Variants in NPHP1 observed in about 807,000 individuals in gnomAD.
The protein encoded by NPHP1 is nephrocystin 1, also known as nephrocystin-1.
In NPHP1, 70 loss-of-function variants were observed where a neutral mutation model predicts 90.4. That is an observed-to-expected ratio of 0.77 (90% CI 0.64 to 0.95). NPHP1 has a LOEUF of 0.95. Among genes scored for constraint, NPHP1 ranks in the 40% least tolerant of loss-of-function variants. NPHP1 has a pLI of 0.00. For synonymous variants in NPHP1, 256 were observed against 271.7 expected, an observed-to-expected ratio of 0.94 and a Z score of 0.57; for missense variants, 764 against 795.9, an observed-to-expected ratio of 0.96 and a Z score of 0.48.
intron 19 of NPHP1, chr2:110,124,480 G>GCA: frequency 7.2e-6 from 2 of 278,824 alleles, no homozygotes; most frequent in Admixed American, 4.4e-5. Context: ...TAAGATAATT[G>GCA]TAGCAGGTGT....
At chr2:110,125,150 T>C in intron 19 of NPHP1, 2 of 1,512,116 alleles carry the variant, frequency 1.3e-6, no homozygotes, top group South Asian at 2.5e-5. Context: ...CCTTCCCATT[T>C]GCCAAATCCT....
chr2:110,155,884 G>C (rs1445828716), intron 11 of NPHP1, among the ~76,000 whole-genome samples: 2 of 152,048 alleles, frequency 1.3e-5, no homozygotes, highest in Non-Finnish European at 2.9e-5. Context: ...TAAGACTTTG[G>C]GGGACTGTTG....
intron 15 of NPHP1, chr2:110,144,030 C>T (rs1357316711): frequency 6.2e-6 from 2 of 323,832 alleles, no homozygotes; most frequent in Non-Finnish European, 1.2e-5. Flanking sequence ...AATTCCAAAT[C>T]TGTCAGGCTC....
intron 2 of NPHP1, among the ~76,000 whole-genome samples, chr2:110,189,916 A>G (rs1260727622): frequency 2.6e-5 from 4 of 152,062 alleles, no homozygotes; most frequent in Non-Finnish European, 5.9e-5. Context: ...ACCTTGAGCT[A>G]GATACAGAGT....
chr2:110,176,949 C>T (rs1188923654), intron 4 of NPHP1, among the ~76,000 whole-genome samples: 1 of 152,172 alleles, frequency 6.6e-6, no homozygotes, highest in Non-Finnish European at 1.5e-5. Context: ...TGTTTCTGTG[C>T]AGCTCCCTTC....
chr2:110,169,847 C>G lies in NPHP1; in HGVS notation c.481G>C (p.Gly161Arg). Residue 161 changes from glycine (G) to arginine (R), a missense_variant, in exon 5 of 20, where the codon GGA becomes CGA. Gly to Arg is a moderately radical substitution (Grantham distance 125). Coordinates refer to ENST00000445609, the MANE Select transcript of NPHP1 (RefSeq NM_001128178.3). ...WSTGEEYIAV[G>R]DFTAQQVGDL... ...CCAACTTGCTGAGCAGTAAAATCTC[C>G]AACAGCGATGTATTCTTCACCGGTT... 6.2e-7 allele frequency: 1 copy of G among 1,613,678 alleles called. No individual in the cohort carries two copies. The highest frequency in any genetic ancestry group is 8.5e-7 in the Non-Finnish European group (1 of 1,179,780).
intron 6 of NPHP1, among the ~76,000 whole-genome samples, chr2:110,165,530 T>C (rs1399117471): frequency 6.6e-6 from 1 of 151,794 alleles, no homozygotes; most frequent in Non-Finnish European, 1.5e-5. Flanking sequence ...AAGAAAATAA[T>C]CTAGAGATGG....
intron 10 of NPHP1, 26 bp from the exon 11 acceptor site, chr2:110,160,281 A>T: frequency 6.4e-7 from 1 of 1,561,926 alleles, no homozygotes; most frequent in Non-Finnish European, 8.8e-7. Flanking sequence ...GTTATAAAAA[A>T]GTTTATTTTT....
chr2:110,201,016 T>C (rs1446165654), intron 2 of NPHP1, among the ~76,000 whole-genome samples: 1 of 152,090 alleles, frequency 6.6e-6, no homozygotes, highest in African/African-American at 2.4e-5. Flanking sequence ...CTATTTAAAC[T>C]CTCCCAAGGA....
In NPHP1 at chr2:110,131,803, GA is replaced by G; in HGVS notation, c.1530-13del. ...TTTCTGGCAGTAGACTATTAAAGAA[GA>G]AAAAAATGTATTCATTAGACAATCC... On this transcript the variant is annotated splice_polypyrimidine_tract_variant and intron_variant, in intron 16 of 19. Coordinates refer to ENST00000445609, the MANE Select transcript of NPHP1 (RefSeq NM_001128178.3). 1.4e-6 allele frequency: 2 copies of G among 1,469,850 alleles called. No individual in the cohort carries two copies. The highest frequency in any genetic ancestry group is 1.1e-5 in the South Asian group (1 of 87,340). The allele number at this position is 1,469,850 out of a possible 1,614,324, so 91.1% of individuals were successfully genotyped here. A position where few individuals can be genotyped will look rare whatever the true frequency, so the allele number is the denominator to read the frequency against.
At chr2:110,198,805 ATC>A (rs1685355500) in intron 2 of NPHP1, among the ~76,000 whole-genome samples, 1 of 150,674 alleles carries the variant, frequency 6.6e-6, no homozygotes, top group Non-Finnish European at 1.5e-5. Context: ...ACCCCTCTCT[ATC>A]TAACAGTAGA....
chr2:110,128,218 G>A (rs547752691), intron 18 of NPHP1: 1 of 152,134 alleles, frequency 6.6e-6, no homozygotes, highest in South Asian at 2.1e-4. Flanking sequence ...ATATGGCCTA[G>A]TTTTTATCAG....
chr2:110,134,457 G>A (rs1263112805), intron 16 of NPHP1, among the ~76,000 whole-genome samples: 1 of 147,342 alleles, frequency 6.8e-6, no homozygotes, highest in African/African-American at 2.5e-5. Flanking sequence ...TCCAAAAAAT[G>A]AAGAGGAAAA....
At position 110,144,524 on chromosome 2, in the gene NPHP1, A is replaced by G. The variant is rs544422399; in HGVS notation, c.1398T>C (p.Gly466=). 1.9e-6 allele frequency: 3 copies of G among 1,607,334 alleles called. No individual in the cohort carries two copies. Among genetic ancestry groups the G allele is most frequent in the African/African-American group, 2.7e-5 (2 of 74,922 alleles). ...FLNGGTPYEK[G]IEVDPSISRR... is the part of the protein sequence containing the mutation. ...TGGATATTGAAGGGTCCACTTCAAT[A>G]CCTTTTTCATAAGGAGTACCACCAT... The change falls in exon 15 of 20, where the codon GGT becomes GGC. Residue 466 remains glycine (G), a synonymous_variant. Transcript: ENST00000445609.
At chr2:110,125,595 G>A (rs1679293190) in intron 19 of NPHP1, 42 bp downstream of exon 19, 1 of 1,537,454 alleles carries the variant, frequency 6.5e-7, no homozygotes, top group Non-Finnish European at 9.0e-7. Context: ...CAAACACCAG[G>A]TACTGCAAAT....
chr2:110,131,878 G>T, intron 16 of NPHP1, 87 bp from the exon 17 acceptor site: 2 of 914,536 alleles, frequency 2.2e-6, no homozygotes, highest in Non-Finnish European at 3.5e-6. Context: ...TTAATAAACA[G>T]TCCCAAATTT....
intron 12 of NPHP1, among the ~76,000 whole-genome samples, chr2:110,148,934 T>C (rs1681265198): frequency 6.6e-6 from 1 of 152,154 alleles, no homozygotes; most frequent in Non-Finnish European, 1.5e-5. Flanking sequence ...TAGTTTCTCT[T>C]CTAGAAAACT....
chr2:110,142,080 C>T (rs1349548287), intron 16 of NPHP1, among the ~76,000 whole-genome samples: 1 of 151,770 alleles, frequency 6.6e-6, no homozygotes, highest in Admixed American at 6.6e-5. Context: ...GTATTTATAC[C>T]CATGAGAGAT....
chr2:110,162,205 T>C (rs1682395690), intron 9 of NPHP1, among the ~76,000 whole-genome samples: 1 of 152,166 alleles, frequency 6.6e-6, no homozygotes, highest in Non-Finnish European at 1.5e-5. Flanking sequence ...ATCAGAGATA[T>C]GTCCCCTGCC....
Sources: gnomAD v4.1 joint callset for allele counts (sites outside exome capture counted in the v4.1 genomes callset) on GRCh38, gnomAD v4.1.1 for gene constraint, MANE v1.5 for transcripts, NCBI Gene and HGNC (gene_info 2026-07-23, HGNC 2026-07-21) for gene names.